DRC8: variants seen among roughly 807,000 people sequenced by gnomAD.
The protein encoded by DRC8 is dynein regulatory complex subunit 8.
At chr1:245,013,955 C>A in the DRC8 span, among the ~76,000 whole-genome samples, 2 of 133,864 alleles carry the variant, frequency 1.5e-5, no homozygotes, top group African/African-American at 5.8e-5. Flanking sequence ...TCTCTTGAGC[C>A]TGGGAGGTGG....
At chr1:244,979,345 G>T in the DRC8 span, among the ~76,000 whole-genome samples, 1 of 113,318 alleles carries the variant, frequency 8.8e-6, no homozygotes, top group Non-Finnish European at 1.6e-5. Flanking sequence ...TGCTCTTGTC[G>T]CCCAGGTTGG....
At chr1:244,979,188 A>G in the DRC8 span, among the ~76,000 whole-genome samples, 1 of 151,286 alleles carries the variant, frequency 6.6e-6, no homozygotes, top group Non-Finnish European at 1.5e-5. Flanking sequence ...TTCCAAAAGG[A>G]TAGGGGTCAT....
At chr1:245,090,906 G>C in the DRC8 span, 1 of 152,192 alleles carries the variant, frequency 6.6e-6, no homozygotes, top group Non-Finnish European at 1.5e-5. Context: ...AAAATAGTGA[G>C]TAAAAACGGT....
chr1:245,000,921 G>C, the DRC8 span, among the ~76,000 whole-genome samples: 1 of 152,138 alleles, frequency 6.6e-6, no homozygotes, highest in Non-Finnish European at 1.5e-5. Context: ...AGGAGGGAAG[G>C]AAGATTGGGC....
the DRC8 span, among the ~76,000 whole-genome samples, chr1:245,049,595 G>A: frequency 6.6e-6 from 1 of 152,114 alleles, no homozygotes; most frequent in South Asian, 2.1e-4. This position sits in a 1 kb window ranked among gnomAD's most constrained non-coding sequence, Gnocchi z 4.5. Flanking sequence ...AAAAAAAACT[G>A]TAATAAGAAA....
the DRC8 span, among the ~76,000 whole-genome samples, chr1:245,045,395 A>G: frequency 4.3e-4 from 65 of 152,338 alleles, no homozygotes; most frequent in Middle Eastern, 3.4e-3. Context: ...AAAGCAAAGC[A>G]AAGTATGAAG....
chr1:244,998,041 T>A, the DRC8 span, among the ~76,000 whole-genome samples: 1 of 152,246 alleles, frequency 6.6e-6, no homozygotes, highest in East Asian at 1.9e-4. Context: ...TCATCATCCT[T>A]GTTCTTTTCA....
the DRC8 span, among the ~76,000 whole-genome samples, chr1:244,982,855 G>C: frequency 6.6e-6 from 1 of 152,050 alleles, no homozygotes; most frequent in Non-Finnish European, 1.5e-5. Context: ...CTGAGGTCAG[G>C]AGATCGAGAC....
the DRC8 span, among the ~76,000 whole-genome samples, chr1:245,076,833 C>T: frequency 6.6e-6 from 1 of 151,814 alleles, no homozygotes; most frequent in African/African-American, 2.4e-5. Flanking sequence ...TTCAAGAGAT[C>T]CTCCTGCCTC....
chr1:245,116,982 C>T, the DRC8 span, among the ~76,000 whole-genome samples: 1 of 152,230 alleles, frequency 6.6e-6, no homozygotes, highest in Non-Finnish European at 1.5e-5. Context: ...ATTCTTTTCA[C>T]CAATACTGGG....
At chr1:245,110,537 C>T in the DRC8 span, among the ~76,000 whole-genome samples, 1 of 152,212 alleles carries the variant, frequency 6.6e-6, no homozygotes. Context: ...TTCTGCTGGG[C>T]AGGAAAGAAA....
the DRC8 span, among the ~76,000 whole-genome samples, chr1:245,104,272 G>A: frequency 6.6e-6 from 1 of 152,230 alleles, no homozygotes; most frequent in Non-Finnish European, 1.5e-5. Flanking sequence ...GGGAGGCCCA[G>A]GCGGGCAGAT....
the DRC8 span, among the ~76,000 whole-genome samples, chr1:245,084,216 G>A: frequency 5.3e-5 from 8 of 151,722 alleles, no homozygotes; most frequent in African/African-American, 1.9e-4. Flanking sequence ...CGAGTAGCTG[G>A]GATTACAGGC....
chr1:245,065,925 G>A, the DRC8 span, among the ~76,000 whole-genome samples: 1 of 151,762 alleles, frequency 6.6e-6, no homozygotes, highest in South Asian at 2.1e-4. Context: ...GTCACTTAGT[G>A]GGGAAAACTG....
At chr1:245,115,289 C>G in the DRC8 span, among the ~76,000 whole-genome samples, 2 of 152,098 alleles carry the variant, frequency 1.3e-5, no homozygotes, top group Admixed American at 1.3e-4. Context: ...TTCAAGCAAT[C>G]TGCCTGCCTC....
the DRC8 span, among the ~76,000 whole-genome samples, chr1:245,002,761 T>A: frequency 1.3e-4 from 20 of 152,062 alleles, no homozygotes; most frequent in African/African-American, 4.8e-4. Flanking sequence ...AGATTTTTTT[T>A]TTTTTTTAGT....
At chr1:244,992,178 A>G in the DRC8 span, among the ~76,000 whole-genome samples, 1 of 152,240 alleles carries the variant, frequency 6.6e-6, no homozygotes, top group Admixed American at 6.5e-5. Flanking sequence ...GTAAAATGGC[A>G]AAGTATGAGA....
At chr1:244,970,086 G>A in the DRC8 span, 1 of 657,728 alleles carries the variant, frequency 1.5e-6, no homozygotes, top group African/African-American at 1.9e-5. Flanking sequence ...TGAGAAATAA[G>A]GGAAAGGAGG....
At chr1:245,051,520 GA>G in the DRC8 span, among the ~76,000 whole-genome samples, 2 of 152,196 alleles carry the variant, frequency 1.3e-5, no homozygotes, top group East Asian at 3.9e-4. Flanking sequence ...GAGGGAGTGG[GA>G]GGGAGACACT....
Sources: gnomAD v4.1 joint callset for allele counts (sites outside exome capture counted in the v4.1 genomes callset) on GRCh38, gnomAD v4.1.1 for gene constraint, Gnocchi (gnomAD v3.1) non-coding constraint, MANE v1.5 for transcripts, NCBI Gene and HGNC (gene_info 2026-07-23, HGNC 2026-07-21) for gene names.